Variants in INTS11 observed in about 807,000 individuals in gnomAD.
INTS11 encodes integrator complex subunit 11, also known as CPSF3-like protein.
Under a neutral mutation model 78.6 loss-of-function variants are expected in INTS11, and 77 were observed. That is an observed-to-expected ratio of 0.98 (90% CI 0.81 to 1.18). The LOEUF (loss-of-function observed/expected upper bound fraction) is 1.18. Among genes scored for constraint, INTS11 ranks in the 50% most tolerant of loss-of-function variants. The probability of loss-of-function intolerance (pLI) is 0.00; values close to 1 mark genes in which losing one functional copy is unlikely to be tolerated. For synonymous variants in INTS11, 441 were observed against 326.9 expected (o/e 1.35, Z -3.77); for missense variants, 875 against 825.9 (o/e 1.06, Z -0.73).
chr1:1,320,445 C>T lies in INTS11; in HGVS notation c.200+11G>A. The stretch of plus-strand genomic sequence containing the variant: ...GACATGGGACCCTCAAGGCCCCCAA[C>T]AGGAACCCACCTAATGATCACACAG... On this transcript the variant is annotated intron_variant, in intron 3 of 16. Coordinates refer to ENST00000435064, the MANE Select transcript of INTS11 (RefSeq NM_017871.6). The T allele has an allele frequency of 6.2e-7, 1 of 1,613,594 alleles. No homozygotes were observed. Among genetic ancestry groups the T allele is most frequent in the East Asian group, 2.2e-5 (1 of 44,874 alleles).
At chr1:1,315,933 G>A (rs1642578730) in intron 4 of INTS11, among the ~76,000 whole-genome samples, 2 of 152,300 alleles carry the variant, frequency 1.3e-5, no homozygotes, top group Admixed American at 6.5e-5. Flanking sequence ...GGGCAACGTG[G>A]ACAAAGAACG....
chr1:1,313,285 A>G lies in INTS11; in HGVS notation c.1042-161T>C. On this transcript the variant is annotated intron_variant, in intron 10 of 16. Coordinates refer to ENST00000435064, the MANE Select transcript of INTS11 (RefSeq NM_017871.6). ...CTCCAAAGGGCTCAGGTTTTGGCAC[A>G]AGACTGTCCAGGGCTGGGCTGGGGC... 4.2e-6 allele frequency: 4 copies of G among 943,092 alleles called. No individual in the cohort carries two copies. The South Asian group carries it at 6.2e-5, about 15-fold the overall frequency. 58.4% of individuals were successfully genotyped at this position (943,092 alleles called of 1,614,324 possible).
chr1:1,312,860 C>T lies in INTS11; in HGVS notation c.1221G>A (p.Pro407=), dbSNP rs749638736. The change falls in exon 12 of 17, where the codon CCG becomes CCA. Residue 407 remains proline, a synonymous_variant. Transcript: ENST00000435064. ...CGCCATGCACCAGCAGCACGCTCTCCGGCTCTGCCTGGCCCACCAGCTGCA... is the reference window on the plus strand; with the variant it reads ...CGCCATGCACCAGCAGCACGCTCTCTGGCTCTGCCTGGCCCACCAGCTGCA... The part of the protein sequence containing the change: ...GIMQLVGQAE[P]ESVLLVHGEA... 1.4e-5 allele frequency: 22 copies of T among 1,612,186 alleles called. No individual in the cohort carries two copies. Among genetic ancestry groups the T allele is most frequent in the East Asian group, 4.5e-5 (2 of 44,898 alleles).
At chr1:1,317,475 C>G (rs1245066914) in intron 4 of INTS11, 12 of 975,164 alleles carry the variant, frequency 1.2e-5, no homozygotes, top group Non-Finnish European at 1.3e-5. Flanking sequence ...AATCCATGAA[C>G]TGAAAGACAC....
In INTS11 at chr1:1,312,596, G is replaced by A. The variant is rs1240018572; in HGVS notation, c.1399C>T (p.Gln467Ter). 6.4e-7 allele frequency: 1 copy of A among 1,573,370 alleles called. No homozygotes were observed. Among genetic ancestry groups the A allele is most frequent in the Middle Eastern group, 1.7e-4 (1 of 5,866 alleles). ...CTGCCCTGCCCAGCCCGCATACCCT[G>A]CGCCATCTCCCGCTTCAGCAGCCCC... ...SLGLLKREMA[Q>*]GLLPEAKKPR... The change falls in exon 13 of 17, where the codon CAG (glutamine) becomes TAG (stop). Residue 467 changes from glutamine to a stop codon, truncating the protein, a stop_gained. Transcript: ENST00000435064. LOFTEE classifies it high-confidence loss of function.
rs1570715813 is a variant in INTS11 at position 1,314,728 on chromosome 1, C to T, written c.702+96G>A. On this transcript the variant is annotated intron_variant, in intron 7 of 16. Transcript: ENST00000435064. This position sits in a 1 kb window ranked among gnomAD's most constrained non-coding sequence, Gnocchi z 4.2. ...TGCCTGAAAATGCAGTACCCCCCAC[C>T]CTGAGACCCTGACCCATGCCAAGGG... 9 of 1,420,358 alleles carry T rather than the reference C, an allele frequency of 6.3e-6. No homozygotes were observed. Among genetic ancestry groups the T allele is most frequent in the Non-Finnish European group, 8.7e-6 (9 of 1,033,084 alleles). 88.0% of individuals were successfully genotyped at this position (1,420,358 alleles called of 1,614,324 possible). A position where few individuals can be genotyped will look rare whatever the true frequency, so the allele number is the denominator to read the frequency against.
chr1:1,315,639 C>T, intron 4 of INTS11, 21 bp from the exon 5 acceptor site: 4 of 1,589,054 alleles, frequency 2.5e-6, no homozygotes, highest in Non-Finnish European at 3.4e-6. Flanking sequence ...CAGGGCTGCG[C>T]TCAGGCTGTG....
intron 2 of INTS11, 124 bp downstream of exon 2, chr1:1,320,871 AG>A: frequency 2.2e-6 from 2 of 909,936 alleles, no homozygotes; most frequent in South Asian, 2.7e-5. Context: ...TGCTCCCCAC[AG>A]GGTGCAGCCA....
chr1:1,319,252 G>T, intron 4 of INTS11, 44 bp downstream of exon 4: 2 of 1,489,910 alleles, frequency 1.3e-6, no homozygotes, highest in Non-Finnish European at 1.9e-6. Flanking sequence ...GGTTGGTGTG[G>T]GGGTGGGCAG....
At chr1:1,322,852 G>A (rs1343172780) in intron 1 of INTS11, 2 of 1,119,816 alleles carry the variant, frequency 1.8e-6, no homozygotes, top group East Asian at 5.5e-5. Flanking sequence ...AGTCCCTGGT[G>A]CAGGGAAGCG....
chr1:1,315,922 C>T (rs895414351), intron 4 of INTS11, among the ~76,000 whole-genome samples: 1 of 152,080 alleles, frequency 6.6e-6, no homozygotes, highest in East Asian at 1.9e-4. Context: ...TCACAAGGGA[C>T]GGGCAACGTG....
Position 1,313,511 on chromosome 1 carries a change from T to C in INTS11, c.1039A>G (p.Met347Val), listed in dbSNP as rs1381497477. ...FRKWAGNEKN[M>V]VIMPGYCVQG... is the part of the protein sequence containing the mutation. The stretch of plus-strand genomic sequence containing the variant: ...CCCACACCTCACCATGCCCTCACCA[T>C]GTTCTTTTCGTTTCCGGCCCATTTC... The change falls in exon 10 of 17, where the codon ATG becomes GTG. Residue 347 changes from methionine (M) to valine (V), a missense_variant and splice_region_variant. Coordinates refer to ENST00000435064, the MANE Select transcript of INTS11 (RefSeq NM_017871.6). 1.9e-6 allele frequency: 3 copies of C among 1,613,028 alleles called. No individual in the cohort carries two copies. The highest frequency in any genetic ancestry group is 1.1e-5 in the South Asian group (1 of 91,090).
chr1:1,319,391 C>A lies in INTS11; in HGVS notation c.334G>T (p.Val112Leu). 6.2e-7 allele frequency: 1 copy of A among 1,613,406 alleles called. No individual in the cohort carries two copies. Among genetic ancestry groups the A allele is most frequent in the Middle Eastern group, 1.6e-4 (1 of 6,062 alleles). The change falls in exon 4 of 17, where the codon GTA becomes TTA. Residue 112 changes from valine to leucine, a missense_variant. Physicochemically the swap from Val to Leu is conservative, Grantham distance 32. Coordinates refer to ENST00000435064, the MANE Select transcript of INTS11 (RefSeq NM_017871.6). ...ILLEDYRKIA[V>L]DKKGEANFFT... The stretch of plus-strand genomic sequence containing the variant: ...AAGTTGGCCTCGCCCTTCTTGTCTA[C>A]GGCGATCTTGCGGTAGTCCTCCAGC...
chr1:1,312,486 G>T lies in INTS11; in HGVS notation c.1418C>A (p.Ala473Asp). Residue 473 changes from alanine to aspartate, a missense_variant, in exon 14 of 17, where the codon GCC becomes GAC. Transcript: ENST00000435064. ...GCCGTGCAGGAGCCGAGGCTTCTTG[G>T]CCTCAGGGAGCAGCCCTGCGGAGGA... ...REMAQGLLPE[A>D]KKPRLLHGTL... 1 of 1,579,984 alleles carries T rather than the reference G, an allele frequency of 6.3e-7. No individual in the cohort carries two copies. The highest frequency in any genetic ancestry group is 8.6e-7 in the Non-Finnish European group (1 of 1,163,540).
Position 1,312,706 on chromosome 1 carries a change from C to T in INTS11, c.1295-6G>A, listed in dbSNP as rs1477614576. On this transcript the variant is annotated splice_polypyrimidine_tract_variant and splice_region_variant and intron_variant, in intron 12 of 16. Transcript: ENST00000435064. ...CGGCATGTAGCAGTTGACCCCTGGA[C>T]CCCGGGGGAAGAGAGAGCCTCAGCC... The T allele has an allele frequency of 2.5e-5, 39 of 1,590,968 alleles. No homozygotes were observed. The highest frequency in any genetic ancestry group is 3.1e-5 in the Non-Finnish European group (36 of 1,165,704).
intron 10 of INTS11, 171 bp from the exon 11 acceptor site, chr1:1,313,295 A>AGGGCT: frequency 2.2e-6 from 2 of 915,650 alleles, no homozygotes; most frequent in South Asian, 1.6e-5. Context: ...AAGACTGTCC[A>AGGGCT]GGGCTGGGCT....
chr1:1,324,390 A>G (rs1643210325), intron 1 of INTS11, among the ~76,000 whole-genome samples, 191 bp downstream of exon 1: 1 of 152,096 alleles, frequency 6.6e-6, no homozygotes, highest in African/African-American at 2.4e-5. Flanking sequence ...TTCTCGCGTC[A>G]CTGCCGGAGG....
rs754122841 is a variant in INTS11, at chr1:1,321,103, G to T, written c.29-10C>A. 1.2e-6 allele frequency: 2 copies of T among 1,605,526 alleles called. No homozygotes were observed. Among genetic ancestry groups the T allele is most frequent in the South Asian group, 2.2e-5 (2 of 90,312 alleles). ...ACGTCCTGGCCGGCCCCTACTCGAG[G>T]GAGGGCAGATGAGTCACTGCTGCGC... On this transcript the variant is annotated splice_polypyrimidine_tract_variant and intron_variant, in intron 1 of 16. Coordinates refer to ENST00000435064, the MANE Select transcript of INTS11 (RefSeq NM_017871.6).
chr1:1,319,006 T>G (rs1435632557), intron 4 of INTS11: 1 of 717,266 alleles, frequency 1.4e-6, no homozygotes. Context: ...GGCACCAGCC[T>G]GTCCCACTCT....
Sources: allele counts gnomAD v4.1 joint callset (sites outside exome capture counted in the v4.1 genomes callset), GRCh38; gene constraint gnomAD v4.1.1; non-coding constraint Gnocchi (gnomAD v3.1); transcripts MANE v1.5; gene names NCBI Gene and HGNC (gene_info 2026-07-23, HGNC 2026-07-21).